Variants in TNRC6C observed in about 807,000 individuals in gnomAD.
TNRC6C encodes the protein trinucleotide repeat containing adaptor 6C, also known as trinucleotide repeat-containing gene 6C protein.
A neutral mutation model predicts 153.7 loss-of-function variants in TNRC6C; 20 were observed. That is an observed-to-expected ratio of 0.13 (90% confidence interval 0.09 to 0.19). The LOEUF (loss-of-function observed/expected upper bound fraction) is 0.19. Among genes scored for constraint, TNRC6C ranks in the 10% least tolerant of loss-of-function variants. The pLI, the probability that TNRC6C is intolerant of heterozygous loss-of-function variation, is 1.00. For synonymous variants in TNRC6C, 811 were observed against 841.4 expected, an observed-to-expected ratio of 0.96 and a Z score of 0.63; for missense variants, 1,987 against 2,172.0, an observed-to-expected ratio of 0.91 and a Z score of 1.69.
At chr17:78,001,986 G>A (rs1257457875), upstream of TNRC6C, among the ~76,000 whole-genome samples, 1 of 151,964 alleles carries the variant, frequency 6.6e-6, no homozygotes, top group Non-Finnish European at 1.5e-5. Flanking sequence ...TCCCAGTCTG[G>A]CCATTCCTTT....
At chr17:78,059,467 T>C (rs2072722160) in intron 3 of TNRC6C, among the ~76,000 whole-genome samples, 1 of 152,186 alleles carries the variant, frequency 6.6e-6, no homozygotes, top group Non-Finnish European at 1.5e-5. Flanking sequence ...TGCAAGTCCG[T>C]GGCGTGAGAC....
chr17:78,030,480 A>C (rs774598230), intron 1 of TNRC6C, among the ~76,000 whole-genome samples: 12 of 152,154 alleles, frequency 7.9e-5, no homozygotes, highest in Non-Finnish European at 1.6e-4. Flanking sequence ...CATCACCACA[A>C]ACACGTGAGT....
rs139225947 is a variant in TNRC6C, at chr17:78,018,283, C to T, written c.-546+13204C>T. 6.9e-3 allele frequency among the ~76,000 whole-genome samples: 1,053 copies of T among 152,202 alleles called. 9 individuals carry two copies. Among genetic ancestry groups the T allele is most frequent in the Non-Finnish European group, 7.6e-3 (515 of 68,018 alleles). Reference sequence around the variant, plus strand: ...CTGGGACTACAGGTGTGCATCACCACGCCCGTCTAACTTTTGTATTTTTTT... The same window carrying T: ...CTGGGACTACAGGTGTGCATCACCATGCCCGTCTAACTTTTGTATTTTTTT... On this transcript the variant is annotated intron_variant, in intron 1 of 19. Transcript: ENST00000301624.
chr17:78,082,967 T>G, intron 10 of TNRC6C, 80 bp from the exon 13 acceptor site: 1 of 1,531,474 alleles, frequency 6.5e-7, no homozygotes. Flanking sequence ...TTAATCATTT[T>G]TGAATTTTGA....
chr17:78,067,973 T>G, intron 5 of TNRC6C, 50 bp downstream of exon 7: 1 of 1,539,516 alleles, frequency 6.5e-7, no homozygotes, highest in Non-Finnish European at 8.7e-7. Flanking sequence ...CAAAGGTACT[T>G]CAGACACATT....
At chr17:78,094,811 C>A (rs540578437) in intron 16 of TNRC6C, among the ~76,000 whole-genome samples, 1 of 152,236 alleles carries the variant, frequency 6.6e-6, no homozygotes. Flanking sequence ...AACATAAGTA[C>A]AGATTGCCCT....
At chr17:78,060,489 T>TTTTA (rs2072745757) in intron 3 of TNRC6C, among the ~76,000 whole-genome samples, 1 of 134,306 alleles carries the variant, frequency 7.4e-6, no homozygotes, top group Non-Finnish European at 1.6e-5. Flanking sequence ...TTTTTTTTTT[T>TTTTA]GAGACAGAGT....
intron 16 of TNRC6C, among the ~76,000 whole-genome samples, chr17:78,095,815 G>C (rs1389551812): frequency 6.6e-6 from 1 of 152,184 alleles, no homozygotes; most frequent in Non-Finnish European, 1.5e-5. Flanking sequence ...TGGCCAACGT[G>C]GGAGAATCAC....
At chr17:78,072,958 T>C in intron 6 of TNRC6C, 79 bp from the exon 9 acceptor site, 1 of 1,041,370 alleles carries the variant, frequency 9.6e-7, no homozygotes, top group South Asian at 1.4e-5. Flanking sequence ...TGTCTTTAAG[T>C]TGATAGTGAT....
intron 1 of TNRC6C, among the ~76,000 whole-genome samples, chr17:77,965,059 A>G (rs16970681): frequency 0.072 from 11,034 of 152,214 alleles, 1,024 homozygotes; most frequent in African/African-American, 0.22. Context: ...GAGCATTTAC[A>G]ATGTGATTAT....
intron 1 of TNRC6C, among the ~76,000 whole-genome samples, chr17:78,018,953 C>G (rs1378520401): frequency 6.6e-6 from 1 of 152,044 alleles, no homozygotes; most frequent in African/African-American, 2.4e-5. Context: ...TTGGTGGCAG[C>G]AGGTGCTTAT....
At chr17:77,988,720 A>T (rs2071207660) in intron 1 of TNRC6C, among the ~76,000 whole-genome samples, 1 of 152,198 alleles carries the variant, frequency 6.6e-6, no homozygotes, top group Non-Finnish European at 1.5e-5. Flanking sequence ...TTGGGTGCTG[A>T]ATGTTTAAAT....
At chr17:77,972,666 A>G (rs189702044) in intron 1 of TNRC6C, among the ~76,000 whole-genome samples, 72 of 152,358 alleles carry the variant, frequency 4.7e-4, no homozygotes, top group Non-Finnish European at 8.2e-4. Flanking sequence ...GATGCAGGAA[A>G]AATGGAAAAT....
exon 20 of TNRC6C, chr17:78,105,261 T>C (rs138454580): frequency 2.4e-3 from 384 of 158,816 alleles, no homozygotes; most frequent in Non-Finnish European, 4.3e-3. Context: ...GTGACGATTA[T>C]GCACATGACC....
chr17:77,993,665 C>G (rs1358390612), intron 1 of TNRC6C, among the ~76,000 whole-genome samples: 1 of 151,994 alleles, frequency 6.6e-6, no homozygotes, highest in Non-Finnish European at 1.5e-5. Context: ...GGATCTCTGT[C>G]TAAACTTTTG....
chr17:78,004,608 G>A (rs1287805615), upstream of TNRC6C, among the ~76,000 whole-genome samples: 1 of 152,078 alleles, frequency 6.6e-6, no homozygotes, highest in Non-Finnish European at 1.5e-5. Flanking sequence ...TATTAGAAAA[G>A]CTAGAAATAT....
chr17:78,086,235 C>A (rs1302883558), intron 11 of TNRC6C, among the ~76,000 whole-genome samples: 1 of 144,312 alleles, frequency 6.9e-6, no homozygotes, highest in African/African-American at 2.6e-5. Flanking sequence ...GAGGCTGAGG[C>A]AGGAGAATTG....
chr17:78,044,446 T>C (rs74667773), intron 2 of TNRC6C, among the ~76,000 whole-genome samples: 9,086 of 152,218 alleles, frequency 0.06, 667 homozygotes, highest in African/African-American at 0.18. Flanking sequence ...CCAGAATAGG[T>C]ACGCCTTGCC....
chr17:77,958,137 C>A (rs2070823418), upstream of TNRC6C, among the ~76,000 whole-genome samples: 1 of 151,810 alleles, frequency 6.6e-6, no homozygotes, highest in Non-Finnish European at 1.5e-5. Flanking sequence ...GTGCACGGCA[C>A]GGGCGAGACG....
Sources: allele counts gnomAD v4.1 joint callset (sites outside exome capture counted in the v4.1 genomes callset), GRCh38; gene constraint gnomAD v4.1.1; transcripts MANE v1.5; gene names NCBI Gene and HGNC (gene_info 2026-07-23, HGNC 2026-07-21).